The following MBOAT2 variants were observed in gnomAD, a reference collection of about 807,000 sequenced individuals.
MBOAT2 encodes the protein membrane-bound glycerophospholipid O-acyltransferase 2.
Under a neutral mutation model 63.4 loss-of-function variants are expected in MBOAT2, and 28 were observed. The ratio of observed to expected loss-of-function variants is 0.44; its 90% CI spans 0.33 to 0.61. The LOEUF is 0.61. Among genes scored for constraint, MBOAT2 ranks in the 20% least tolerant of loss-of-function variants. The probability of loss-of-function intolerance (pLI) is 0.03; values close to 1 mark genes in which losing one functional copy is unlikely to be tolerated. For synonymous variants in MBOAT2, 211 were observed against 215.6 expected (o/e 0.98, Z 0.19); for missense variants, 470 against 605.8 (o/e 0.78, Z 2.35).
intron 4 of MBOAT2, among the ~76,000 whole-genome samples, chr2:8,900,426 C>T (rs951859201): frequency 3.9e-5 from 6 of 152,188 alleles, no homozygotes; most frequent in African/African-American, 1.4e-4. Flanking sequence ...TGTAGGACAT[C>T]TATGTACCTA....
At chr2:8,891,334 T>C (rs1663981593) in intron 4 of MBOAT2, among the ~76,000 whole-genome samples, 1 of 152,080 alleles carries the variant, frequency 6.6e-6, no homozygotes, top group Non-Finnish European at 1.5e-5. Flanking sequence ...TAAAGAGAGC[T>C]CAGAAATGCA....
At chr2:8,961,598 A>G (rs1186129170) in intron 1 of MBOAT2, among the ~76,000 whole-genome samples, 1 of 152,196 alleles carries the variant, frequency 6.6e-6, no homozygotes, top group Non-Finnish European at 1.5e-5. Flanking sequence ...GGGAAAAAAA[A>G]AAAGCTAGAT....
intron 1 of MBOAT2, among the ~76,000 whole-genome samples, chr2:8,982,251 T>C (rs1306091101): frequency 6.6e-6 from 1 of 152,164 alleles, no homozygotes; most frequent in South Asian, 2.1e-4. Context: ...AGAGCAAAGA[T>C]AGTCTGAGTA....
chr2:8,998,616 C>T (rs936280243), intron 1 of MBOAT2, among the ~76,000 whole-genome samples: 5 of 148,676 alleles, frequency 3.4e-5, no homozygotes, highest in African/African-American at 1.2e-4. Context: ...GAGCGGGGGG[C>T]GGGGGTTGGG....
intron 9 of MBOAT2, among the ~76,000 whole-genome samples, chr2:8,864,860 T>C (rs1424729734): frequency 2.6e-5 from 4 of 152,156 alleles, no homozygotes; most frequent in Non-Finnish European, 5.9e-5. Flanking sequence ...TATGTAACTC[T>C]CTCCTCCTCT....
chr2:8,884,153 T>C (rs1420929175), intron 5 of MBOAT2, among the ~76,000 whole-genome samples: 2 of 140,234 alleles, frequency 1.4e-5, no homozygotes, highest in African/African-American at 5.4e-5. Flanking sequence ...GGAGAATCAC[T>C]TGAATCTGGG....
chr2:8,991,979 C>T (rs1319018668), intron 1 of MBOAT2, among the ~76,000 whole-genome samples: 6 of 152,180 alleles, frequency 3.9e-5, no homozygotes, highest in Non-Finnish European at 8.8e-5. Flanking sequence ...ATGTTCCTTC[C>T]CTGGTACCCT....
intron 1 of MBOAT2, among the ~76,000 whole-genome samples, chr2:8,970,459 A>G (rs1670367003): frequency 6.6e-6 from 1 of 152,238 alleles, no homozygotes; most frequent in Non-Finnish European, 1.5e-5. Flanking sequence ...CAATTAAAAG[A>G]ACTAGAGAAG....
intron 8 of MBOAT2, among the ~76,000 whole-genome samples, chr2:8,869,985 A>G (rs1287946190): frequency 1.3e-5 from 2 of 152,218 alleles, no homozygotes; most frequent in African/African-American, 4.8e-5. Context: ...AACTGGGGAT[A>G]TCAAACTGCA....
intron 3 of MBOAT2, among the ~76,000 whole-genome samples, chr2:8,923,181 A>C (rs1463488877): frequency 2.6e-5 from 4 of 152,214 alleles, no homozygotes; most frequent in African/African-American, 7.2e-5. Context: ...ATCTTTGCTA[A>C]AGAATAGGCA....
intron 7 of MBOAT2, among the ~76,000 whole-genome samples, chr2:8,874,982 A>G (rs1274091213): frequency 6.6e-6 from 1 of 152,236 alleles, no homozygotes; most frequent in Non-Finnish European, 1.5e-5. Flanking sequence ...TGCACTGCTT[A>G]CAGGTGAGCT....
chr2:8,941,961 G>C (rs1024173522), intron 3 of MBOAT2, among the ~76,000 whole-genome samples: 7 of 152,112 alleles, frequency 4.6e-5, no homozygotes, highest in African/African-American at 1.7e-4. Context: ...AATATCTTTT[G>C]CATCAGATAT....
At chr2:8,892,993 G>A (rs1252403805) in intron 4 of MBOAT2, among the ~76,000 whole-genome samples, 4 of 150,886 alleles carry the variant, frequency 2.7e-5, no homozygotes, top group Non-Finnish European at 4.4e-5. Flanking sequence ...GCAAAAGAGT[G>A]ACTTGGTTTT....
At chr2:8,878,798 C>T (rs1436344714) in intron 6 of MBOAT2, among the ~76,000 whole-genome samples, 3 of 152,142 alleles carry the variant, frequency 2.0e-5, no homozygotes, top group South Asian at 2.1e-4. Context: ...GAACCTTGGC[C>T]GGGCGCGGTG....
chr2:8,887,082 C>G (rs1035168840), intron 5 of MBOAT2, among the ~76,000 whole-genome samples: 2 of 152,198 alleles, frequency 1.3e-5, no homozygotes, highest in African/African-American at 4.8e-5. Flanking sequence ...GAACTGGAAT[C>G]TGAGCGTACA....
At chr2:8,930,897 G>C (rs537426147) in intron 3 of MBOAT2, among the ~76,000 whole-genome samples, 11 of 152,048 alleles carry the variant, frequency 7.2e-5, no homozygotes, top group Non-Finnish European at 1.2e-4. Context: ...CTACCTGCTC[G>C]GGACCCCTTC....
At chr2:8,887,941 G>A in intron 5 of MBOAT2, 77 bp downstream of exon 5, 3 of 1,320,738 alleles carry the variant, frequency 2.3e-6, no homozygotes, top group Non-Finnish European at 3.3e-6. Context: ...ATAGCAGAAA[G>A]TTATGGCAAT....
rs116196709 is a variant in MBOAT2 at position 8,955,588 on chromosome 2, G to A, written c.221+2909C>T. On this transcript the variant is annotated intron_variant, in intron 2 of 12. Transcript: ENST00000305997. Reference sequence around the variant, plus strand: ...ATCGTGCTATTTCCAAGTGGCTGAGGAACACTGAAAGTCTCTAATCAGCCA... The same window carrying A: ...ATCGTGCTATTTCCAAGTGGCTGAGAAACACTGAAAGTCTCTAATCAGCCA... Among the ~76,000 whole-genome samples, 1,057 of 152,276 alleles carry A rather than the reference G, an allele frequency of 6.9e-3. 11 individuals are homozygous for A. Among genetic ancestry groups the A allele is most frequent in the Non-Finnish European group, 0.011 (721 of 68,030 alleles).
intron 2 of MBOAT2, among the ~76,000 whole-genome samples, chr2:8,949,931 A>G (rs1558647942): frequency 6.6e-6 from 1 of 152,172 alleles, no homozygotes; most frequent in Non-Finnish European, 1.5e-5. Flanking sequence ...TTTTAGTGGC[A>G]TTGACTCTTC....
Sources: allele counts gnomAD v4.1 joint callset (sites outside exome capture counted in the v4.1 genomes callset), GRCh38; gene constraint gnomAD v4.1.1; transcripts MANE v1.5; gene names NCBI Gene and HGNC (gene_info 2026-07-23, HGNC 2026-07-21).